Variants in ATP11A observed in about 807,000 individuals in gnomAD.
ATP11A encodes phospholipid-transporting ATPase IH.
In ATP11A, 81 loss-of-function variants were observed where a neutral mutation model predicts 154.4. The ratio of observed to expected loss-of-function variants is 0.52; its 90% CI spans 0.44 to 0.63. The LOEUF (loss-of-function observed/expected upper bound fraction) is 0.63. Among genes scored for constraint, ATP11A ranks in the 30% least tolerant of loss-of-function variants. The pLI is 0.00. For missense variants in ATP11A, 1,316 were observed against 1,474.3 expected, an observed-to-expected ratio of 0.89 and a Z score of 1.76; for synonymous variants, 623 against 585.9, an observed-to-expected ratio of 1.06 and a Z score of -0.91.
intron 1 of ATP11A, among the ~76,000 whole-genome samples, chr13:112,698,088 C>G (rs1310941649): frequency 1.3e-5 from 2 of 152,184 alleles, no homozygotes; most frequent in Non-Finnish European, 2.9e-5. Flanking sequence ...CGGGCGCACT[C>G]AGCAGCCTCG....
intron 5 of ATP11A, among the ~76,000 whole-genome samples, chr13:112,815,076 C>T (rs1026492697): frequency 6.6e-6 from 1 of 152,196 alleles, no homozygotes; most frequent in African/African-American, 2.4e-5. Context: ...TCCCGAGTGG[C>T]AGTGAGACTG....
chr13:112,708,808 C>T (rs1424348516), intron 1 of ATP11A, among the ~76,000 whole-genome samples: 2 of 152,184 alleles, frequency 1.3e-5, no homozygotes, highest in East Asian at 1.9e-4. Context: ...CAACGAGTGG[C>T]TCTCCCGCCT....
chr13:112,758,431 C>CT (rs1396524682), intron 1 of ATP11A, among the ~76,000 whole-genome samples: 3,581 of 140,882 alleles, frequency 0.025, 160 homozygotes, highest in African/African-American at 0.086. Context: ...TCTTTTTTTT[C>CT]TTTTTTTTTT....
rs775471189 is a variant in ATP11A at position 112,825,432 on chromosome 13, C to A, written c.875C>A (p.Ser292Ter). Residue 292 changes from serine (S) to a stop codon, truncating the protein, a stop_gained and splice_region_variant, in exon 11 of 30, where the codon TCG becomes TAG. Coordinates refer to ENST00000375645, the MANE Select transcript of ATP11A (RefSeq NM_015205.3). LOFTEE classifies it high-confidence loss of function. ...TCACCTCTGTCCTTTTGTTTTAGAT[C>A]GATGAATGCGTTCCTCATTGTGTAT... ...KSQKRSAVEK[S>*]MNAFLIVYLC... 1.2e-6 allele frequency: 2 copies of A among 1,607,664 alleles called. No homozygotes were observed. Among genetic ancestry groups the A allele is most frequent in the Non-Finnish European group, 8.5e-7 (1 of 1,176,972 alleles).
intron 1 of ATP11A, among the ~76,000 whole-genome samples, chr13:112,780,853 G>A (rs191813856): frequency 6.6e-6 from 1 of 152,224 alleles, no homozygotes; most frequent in African/African-American, 2.4e-5. Flanking sequence ...GCCTCTGGCC[G>A]TGGGTGGGTT....
chr13:112,809,231 G>T (rs1351893118), intron 4 of ATP11A, among the ~76,000 whole-genome samples: 3 of 152,224 alleles, frequency 2.0e-5, no homozygotes, highest in African/African-American at 7.2e-5. Flanking sequence ...CAGAAAGAGA[G>T]TATTTCAGCG....
rs9549599 is a variant in ATP11A at position 112,886,081 on chromosome 13, C to T, written c.*4215C>T. On this transcript the variant is annotated 3_prime_UTR_variant, in exon 30 of 30. Coordinates refer to ENST00000375645, the MANE Select transcript of ATP11A (RefSeq NM_015205.3). Reference sequence around the variant, plus strand: ...ACGCGTCGGAGCACGGCCAGCCTTCCGCCACGAGCCAGCTGGGAAGGGCCG... The same window carrying T: ...ACGCGTCGGAGCACGGCCAGCCTTCTGCCACGAGCCAGCTGGGAAGGGCCG... The T allele has an allele frequency of 0.23, 34,970 of 152,374 alleles. 4,286 individuals carry two copies. The highest frequency in any genetic ancestry group is 0.28 in the Admixed American group (4,321 of 15,306). The allele number at this position is 152,374 out of a possible 1,614,324, so 9.4% of individuals were successfully genotyped here. A position where few individuals can be genotyped will look rare whatever the true frequency, so the allele number is the denominator to read the frequency against.
At chr13:112,711,564 G>A (rs573311023) in intron 1 of ATP11A, among the ~76,000 whole-genome samples, 5 of 152,092 alleles carry the variant, frequency 3.3e-5, no homozygotes, top group East Asian at 1.9e-4. Context: ...AACAGGCACC[G>A]CATCCACCAG....
intron 29 of ATP11A, chr13:112,880,715 T>TTGTGC (rs1178553975): frequency 1.8e-5 from 22 of 1,240,822 alleles, no homozygotes; most frequent in Admixed American, 2.5e-5. Flanking sequence ...TCCTCCAAAG[T>TTGTGC]TGTGCTGTGC....
At chr13:112,788,621 C>G (rs1226834962) in intron 2 of ATP11A, among the ~76,000 whole-genome samples, 1 of 151,170 alleles carries the variant, frequency 6.6e-6, no homozygotes, top group Admixed American at 6.6e-5. Flanking sequence ...TTAATTCACA[C>G]CGGGTATTCT....
intron 1 of ATP11A, among the ~76,000 whole-genome samples, chr13:112,707,510 C>T (rs1036981925): frequency 6.6e-6 from 1 of 151,618 alleles, no homozygotes; most frequent in African/African-American, 2.4e-5. Flanking sequence ...AAGTTGACAA[C>T]GACCAACTGA....
chr13:112,875,857 G>C lies in ATP11A; in HGVS notation c.3243G>C (p.Leu1081=). The C allele has an allele frequency of 6.2e-7, 1 of 1,613,962 alleles. No individual in the cohort carries two copies. The highest frequency in any genetic ancestry group is 8.5e-7 in the Non-Finnish European group (1 of 1,180,036). The change falls in exon 28 of 30, where the codon CTG becomes CTC. Residue 1081 remains leucine (L), a synonymous_variant. Transcript: ENST00000375645. The surrounding 1 kb of genome is among the most constrained non-coding windows in gnomAD (Gnocchi z 4.1). ...SSGPAWLAIV[L]LVTISLLPDV... ...GGCCCGCCTGGCTGGCCATCGTGCT[G>C]CTGGTGACCATCAGCCTCCTTCCCG...
At chr13:112,832,753 G>T (rs568024411) in intron 13 of ATP11A, 107 bp from the exon 14 acceptor site, 1 of 1,409,482 alleles carries the variant, frequency 7.1e-7, no homozygotes, top group South Asian at 1.3e-5. Flanking sequence ...CTTCGTGGCC[G>T]CGGGGACCCC....
At position 112,810,509 on chromosome 13, in the gene ATP11A, T is replaced by A. The variant is rs555422009; in HGVS notation, c.334-110T>A. 2.1e-4 allele frequency: 185 copies of A among 891,294 alleles called. 1 individual carries two copies. The highest frequency in any genetic ancestry group is 3.1e-4 in the Non-Finnish European group (173 of 554,356). 55.2% of individuals were successfully genotyped at this position (891,294 alleles called of 1,614,324 possible). A position where few individuals can be genotyped will look rare whatever the true frequency, so the allele number is the denominator to read the frequency against. On this transcript the variant is annotated intron_variant, in intron 4 of 29. Coordinates refer to ENST00000375645, the MANE Select transcript of ATP11A (RefSeq NM_015205.3). ...TGCTGAAAAATACACCCCCACAGGC[T>A]TGGATTATGCTTAGACATAATTAAA... is the stretch of plus-strand genomic sequence containing the variant.
intron 25 of ATP11A, among the ~76,000 whole-genome samples, chr13:112,864,400 G>C (rs7330163): frequency 3.9e-5 from 3 of 77,224 alleles, no homozygotes; most frequent in African/African-American, 1.7e-4. Context: ...TCAGCGTAGC[G>C]CGTGCAGCTT....
chr13:112,761,152 G>A (rs1379143481), intron 1 of ATP11A, among the ~76,000 whole-genome samples: 1 of 152,112 alleles, frequency 6.6e-6, no homozygotes. Context: ...TCAGATCCGT[G>A]GTCCAGGGGT....
chr13:112,695,513 A>G (rs1885705210), intron 1 of ATP11A, among the ~76,000 whole-genome samples: 1 of 152,216 alleles, frequency 6.6e-6, no homozygotes, highest in Non-Finnish European at 1.5e-5. Flanking sequence ...ATATCTGCTT[A>G]TTAGGAACAA....
At chr13:112,755,465 C>A (rs982533629) in intron 1 of ATP11A, among the ~76,000 whole-genome samples, 1 of 152,216 alleles carries the variant, frequency 6.6e-6, no homozygotes, top group African/African-American at 2.4e-5. Flanking sequence ...TATGGGATCC[C>A]TCCAGGTCCT....
At chr13:112,880,657 T>G in intron 29 of ATP11A, 1 of 1,289,316 alleles carries the variant, frequency 7.8e-7, no homozygotes, top group Non-Finnish European at 1.0e-6. Context: ...TAGGTAACTG[T>G]GCGGCTGCTG....
Sources: gnomAD v4.1 joint callset for allele counts (sites outside exome capture counted in the v4.1 genomes callset) on GRCh38, gnomAD v4.1.1 for gene constraint, Gnocchi (gnomAD v3.1) non-coding constraint, MANE v1.5 for transcripts, NCBI Gene and HGNC (gene_info 2026-07-23, HGNC 2026-07-21) for gene names.